The following SLC8A1 variants were observed in gnomAD, a reference collection of about 807,000 sequenced individuals.
The protein encoded by SLC8A1 is sodium/calcium exchanger 1.
A neutral mutation model predicts 68.3 loss-of-function variants in SLC8A1; 18 were observed. The observed-to-expected ratio is 0.26, with a 90% CI of 0.18 to 0.39. The LOEUF (loss-of-function observed/expected upper bound fraction) is 0.39. Among genes scored for constraint, SLC8A1 ranks in the 10% least tolerant of loss-of-function variants. The pLI, the probability that SLC8A1 is intolerant of heterozygous loss-of-function variation, is 1.00. For missense variants in SLC8A1, 985 were observed against 1,156.7 expected, an observed-to-expected ratio of 0.85 and a Z score of 2.15; for synonymous variants, 475 against 415.5, an observed-to-expected ratio of 1.14 and a Z score of -1.74.
At chr2:40,464,839 A>T (rs1457056234) in intron 1 of SLC8A1, among the ~76,000 whole-genome samples, 2 of 152,170 alleles carry the variant, frequency 1.3e-5, no homozygotes, top group African/African-American at 4.8e-5. Context: ...GGAGATGCTG[A>T]GTAAAGAGTC....
At position 40,494,640 on chromosome 2, in the gene SLC8A1, AATATATATATATATATAT is replaced by A. The variant is rs34595267; in HGVS notation, c.-25+17691_-25+17708del. Among the ~76,000 whole-genome samples, 157 of 92,654 alleles carry A rather than the reference AATATATATATATATATAT, an allele frequency of 1.7e-3. 1 individual carries two copies. The East Asian group carries it at 0.02, about 12-fold the overall frequency. 60.8% of individuals were successfully genotyped at this position (92,654 alleles called of 152,430 possible). A position where few individuals can be genotyped will look rare whatever the true frequency, so the allele number is the denominator to read the frequency against. On this transcript the variant is annotated intron_variant, in intron 1 of 7. Coordinates refer to the SLC8A1 transcript ENST00000402441. Reference sequence around the variant, plus strand: ...ACATGTACCCTAGAACTTAAAGTATAATATATATATATATATATATATATATATATATATATATATATA... The same window carrying A: ...ACATGTACCCTAGAACTTAAAGTATAATATATATATATATATATATATATA...
chr2:40,195,376 G>A (rs565295122), intron 2 of SLC8A1, among the ~76,000 whole-genome samples: 12 of 152,062 alleles, frequency 7.9e-5, no homozygotes, highest in Admixed American at 6.6e-4. Flanking sequence ...AGGAGAGCTA[G>A]GCTCAGGCTT....
chr2:40,437,499 T>G lies in SLC8A1; in HGVS notation c.-24-7195A>C, dbSNP rs190856324. On this transcript the variant is annotated intron_variant, in intron 1 of 7. Transcript: ENST00000406785. ...CCAAACTCATGTAGTAAACTCAAGG[T>G]TTTTCCATTTGGTCAGGAGAAAAGC... Among the ~76,000 whole-genome samples, 10 of 152,168 alleles carry G rather than the reference T, an allele frequency of 6.6e-5. No individual in the cohort carries two copies. In the East Asian group the frequency reaches 1.9e-3, roughly 30 times the overall value.
At chr2:40,245,317 A>T (rs2061723319) in intron 2 of SLC8A1, among the ~76,000 whole-genome samples, 2 of 120,834 alleles carry the variant, frequency 1.7e-5, no homozygotes, top group African/African-American at 3.5e-5. Flanking sequence ...CTCCAGCTCT[A>T]AACATATACT....
At chr2:40,291,621 C>A (rs537462162) in intron 2 of SLC8A1, among the ~76,000 whole-genome samples, 46 of 152,172 alleles carry the variant, frequency 3.0e-4, no homozygotes, top group Non-Finnish European at 5.9e-4. Flanking sequence ...GAAAATGCCA[C>A]ATGAGCAAAC....
intron 1 of SLC8A1, among the ~76,000 whole-genome samples, chr2:40,431,320 A>G (rs1343188674): frequency 6.6e-6 from 1 of 152,104 alleles, no homozygotes; most frequent in East Asian, 1.9e-4. Context: ...TCAAGTGACC[A>G]AAAAATGCAG....
chr2:40,328,858 AG>A (rs2076118600), intron 2 of SLC8A1, among the ~76,000 whole-genome samples: 1 of 152,006 alleles, frequency 6.6e-6, no homozygotes, highest in African/African-American at 2.4e-5. Flanking sequence ...CTCCAGCTTC[AG>A]CCCCTTCAAT....
At chr2:40,213,485 T>A (rs1472100155) in intron 2 of SLC8A1, 5 of 152,186 alleles carry the variant, frequency 3.3e-5, no homozygotes, top group Non-Finnish European at 7.3e-5. Flanking sequence ...GGCAGGTGAA[T>A]GTCATGTGTG....
chr2:40,457,079 G>A (rs1450134604), intron 1 of SLC8A1, among the ~76,000 whole-genome samples: 1 of 152,012 alleles, frequency 6.6e-6, no homozygotes, highest in South Asian at 2.1e-4. Context: ...ATAAACTGAG[G>A]GTAGAATTTC....
intron 2 of SLC8A1, among the ~76,000 whole-genome samples, chr2:40,204,384 TTA>T (rs1382145521): frequency 1.3e-5 from 2 of 152,050 alleles, no homozygotes; most frequent in East Asian, 1.9e-4. Flanking sequence ...GGTTTTCAGA[TTA>T]TGTTTCCACC....
chr2:40,445,998 G>A (rs1384738482), intron 1 of SLC8A1, among the ~76,000 whole-genome samples: 1 of 152,182 alleles, frequency 6.6e-6, no homozygotes, highest in Non-Finnish European at 1.5e-5. Context: ...TATTCATGGA[G>A]CACAGCAGAG....
chr2:40,374,174 G>C (rs1284594867), intron 2 of SLC8A1, among the ~76,000 whole-genome samples: 1 of 151,998 alleles, frequency 6.6e-6, no homozygotes, highest in Non-Finnish European at 1.5e-5. Flanking sequence ...CATGAGAAGA[G>C]AGAAGTCACT....
intron 1 of SLC8A1, among the ~76,000 whole-genome samples, chr2:40,438,645 A>G (rs925024340): frequency 6.6e-6 from 1 of 152,196 alleles, no homozygotes; most frequent in Non-Finnish European, 1.5e-5. Context: ...ACGGCTAGAG[A>G]ATGTGACAGC....
intron 1 of SLC8A1, among the ~76,000 whole-genome samples, chr2:40,449,203 A>G (rs1701994968): frequency 6.6e-6 from 1 of 151,580 alleles, no homozygotes; most frequent in African/African-American, 2.4e-5. Flanking sequence ...CACAGACATT[A>G]ATGTCCCAAA....
chr2:40,396,910 G>A (rs534855268), intron 2 of SLC8A1, among the ~76,000 whole-genome samples: 21 of 152,076 alleles, frequency 1.4e-4, no homozygotes, highest in African/African-American at 3.6e-4. Context: ...TGTTCAGGAC[G>A]GTGTTAGGGG....
At chr2:40,391,587 G>A (rs917472402) in intron 2 of SLC8A1, among the ~76,000 whole-genome samples, 3 of 151,934 alleles carry the variant, frequency 2.0e-5, no homozygotes, top group African/African-American at 7.3e-5. Context: ...AGAGCATTAT[G>A]ACTTTCATGC....
chr2:40,428,876 C>G (rs377271711), exon 2 of SLC8A1: 22 of 1,613,630 alleles, frequency 1.4e-5, no homozygotes, highest in Non-Finnish European at 1.9e-5. Context: ...TGGGTATCAC[C>G]AGGCTTAAAC....
intron 6 of SLC8A1, among the ~76,000 whole-genome samples, chr2:40,140,856 G>A (rs938582272): frequency 6.6e-6 from 1 of 151,962 alleles, no homozygotes; most frequent in African/African-American, 2.4e-5. Context: ...TCACAATTTT[G>A]CCAATTAAGT....
upstream of SLC8A1, among the ~76,000 whole-genome samples, chr2:40,453,964 C>G (rs1325259899): frequency 6.6e-6 from 1 of 152,144 alleles, no homozygotes; most frequent in African/African-American, 2.4e-5. Flanking sequence ...TTTTTCTTTC[C>G]TTGCTATAAG....
Sources: allele counts gnomAD v4.1 joint callset (sites outside exome capture counted in the v4.1 genomes callset), GRCh38; gene constraint gnomAD v4.1.1; transcripts MANE v1.5; gene names NCBI Gene and HGNC (gene_info 2026-07-23, HGNC 2026-07-21).